ASTN2: variants seen among roughly 807,000 people sequenced by gnomAD.
The protein encoded by ASTN2 is astrotactin 2, also known as astrotactin-2.
In ASTN2, 54 loss-of-function variants were observed where a neutral mutation model predicts 139.8. The observed-to-expected ratio is 0.39, with a 90% CI of 0.31 to 0.48. The LOEUF is 0.48. ASTN2 is among the 20% of genes least tolerant of loss of function. ASTN2 has a pLI of 0.95. For missense variants in ASTN2, 1,565 were observed against 1,725.1 expected, an observed-to-expected ratio of 0.91 and a Z score of 1.64; for synonymous variants, 756 against 719.5, an observed-to-expected ratio of 1.05 and a Z score of -0.81.
intron 20 of ASTN2, among the ~76,000 whole-genome samples, chr9:116,454,668 A>T (rs905990507): frequency 6.6e-5 from 10 of 152,256 alleles, no homozygotes; most frequent in Non-Finnish European, 1.3e-4. Flanking sequence ...GACTGGATTA[A>T]GAAAATGTGG....
At chr9:117,187,913 C>T (rs1043706218) in intron 3 of ASTN2, among the ~76,000 whole-genome samples, 2 of 152,264 alleles carry the variant, frequency 1.3e-5, no homozygotes, top group African/African-American at 2.4e-5. Context: ...GTTTGTTCCT[C>T]CCACGTTCTT....
chr9:116,727,493 G>A (rs759818750), intron 15 of ASTN2, among the ~76,000 whole-genome samples: 11 of 151,624 alleles, frequency 7.3e-5, no homozygotes, highest in Non-Finnish European at 1.5e-4. Context: ...GAACATCATA[G>A]TCTTATTCAC....
intron 2 of ASTN2, among the ~76,000 whole-genome samples, chr9:117,234,042 C>T (rs1832973625): frequency 6.6e-6 from 1 of 152,166 alleles, no homozygotes; most frequent in Non-Finnish European, 1.5e-5. Context: ...TGTTGATGGA[C>T]TATGTCTCTC....
chr9:117,195,741 A>C (rs916733515), intron 3 of ASTN2, among the ~76,000 whole-genome samples: 1 of 152,156 alleles, frequency 6.6e-6, no homozygotes, highest in African/African-American at 2.4e-5. Flanking sequence ...CATGACATTC[A>C]CAGGGGGTGT....
chr9:117,352,087 T>C lies in ASTN2; in HGVS notation c.443-60574A>G, dbSNP rs1316433399. Among the ~76,000 whole-genome samples, 14 of 152,194 alleles carry C rather than the reference T, an allele frequency of 9.2e-5. No individual in the cohort carries two copies. The South Asian group carries it at 2.3e-3, about 25-fold the overall frequency. On this transcript the variant is annotated intron_variant, in intron 1 of 22. Transcript: ENST00000313400. ...GGAGGAAAACCTGGACTTCTCAATA[T>C]ACCTTTATCAGAGAGAAACAGTCCC...
chr9:117,005,043 ACTT>A (rs934660609), intron 7 of ASTN2, among the ~76,000 whole-genome samples: 12 of 143,644 alleles, frequency 8.4e-5, no homozygotes, highest in East Asian at 6.1e-4. Context: ...CCCAGCTAAG[ACTT>A]CTTCTTTGAA....
chr9:116,996,088 A>ACTCAAGTTCACTTGAT (rs774779557), intron 7 of ASTN2, among the ~76,000 whole-genome samples: 2 of 151,834 alleles, frequency 1.3e-5, no homozygotes, highest in Non-Finnish European at 2.9e-5. Flanking sequence ...CCCACCTTGA[A>ACTCAAGTTCACTTGAT]CTCAAGTTCA....
chr9:117,239,306 C>T (rs1833138808), intron 2 of ASTN2, among the ~76,000 whole-genome samples: 1 of 152,082 alleles, frequency 6.6e-6, no homozygotes, highest in South Asian at 2.1e-4. Flanking sequence ...AAGAAGTGGC[C>T]CCCTCCTCCC....
At position 116,703,995 on chromosome 9, in the gene ASTN2, C is replaced by T. The variant is rs144758653; in HGVS notation, c.2806+21776G>A. Among the ~76,000 whole-genome samples the T allele has an allele frequency of 2.9e-3, 444 of 152,304 alleles. 1 individual carries two copies. The highest frequency in any genetic ancestry group is 9.2e-3 in the African/African-American group (382 of 41,564). ...ACCTATGGCTTTATCTTGTCAATAT[C>T]ATTAATATTCACGGGACCCAAGCTA... On this transcript the variant is annotated intron_variant, in intron 16 of 22. Coordinates refer to ENST00000313400, the MANE Select transcript of ASTN2 (RefSeq NM_001365068.1).
At chr9:116,588,578 G>T (rs1854252247) in intron 19 of ASTN2, among the ~76,000 whole-genome samples, 1 of 152,154 alleles carries the variant, frequency 6.6e-6, no homozygotes, top group African/African-American at 2.4e-5. Flanking sequence ...TCTTGGATAT[G>T]TTACTTAATC....
intron 2 of ASTN2, among the ~76,000 whole-genome samples, chr9:117,245,602 A>G (rs1416247136): frequency 6.6e-6 from 1 of 152,198 alleles, no homozygotes; most frequent in African/African-American, 2.4e-5. Flanking sequence ...GCCAGGAGGC[A>G]GAAGGTCTCA....
chr9:116,930,726 C>G (rs1175124413), intron 10 of ASTN2, among the ~76,000 whole-genome samples: 2 of 152,134 alleles, frequency 1.3e-5, no homozygotes, highest in African/African-American at 4.8e-5. Flanking sequence ...TAAATATTTA[C>G]TGAGTACTTT....
chr9:117,280,040 C>G lies in ASTN2; in HGVS notation c.630+11286G>C, dbSNP rs116059911. 2.5e-3 allele frequency among the ~76,000 whole-genome samples: 386 copies of G among 152,262 alleles called. 2 individuals are homozygous for G. Among genetic ancestry groups the G allele is most frequent in the African/African-American group, 8.9e-3 (370 of 41,550 alleles). On this transcript the variant is annotated intron_variant, in intron 2 of 22. Coordinates refer to ENST00000313400, the MANE Select transcript of ASTN2 (RefSeq NM_001365068.1). The stretch of plus-strand genomic sequence containing the variant: ...TTTAGTTGTCATATCTCCCTAGTTT[C>G]CTCCAATTTGTGACAATTACTGTTT...
intron 10 of ASTN2, among the ~76,000 whole-genome samples, chr9:116,931,634 C>T (rs1223248397): frequency 6.6e-6 from 1 of 152,168 alleles, no homozygotes; most frequent in Non-Finnish European, 1.5e-5. Context: ...TGGACACTGT[C>T]TTAGGAGCTA....
At chr9:116,540,702 A>G (rs139429299) in intron 19 of ASTN2, 27 of 152,364 alleles carry the variant, frequency 1.8e-4, no homozygotes, top group African/African-American at 6.0e-4. Context: ...AAGGAGCACA[A>G]TAGAAGAGAA....
At chr9:116,494,645 TA>T (rs1443593703) in intron 19 of ASTN2, among the ~76,000 whole-genome samples, 1 of 152,232 alleles carries the variant, frequency 6.6e-6, no homozygotes, top group Non-Finnish European at 1.5e-5. Context: ...TTTTTACTTA[TA>T]TTGTCTTGGT....
intron 16 of ASTN2, among the ~76,000 whole-genome samples, chr9:116,696,980 T>G (rs906116212): frequency 6.6e-5 from 10 of 151,490 alleles, no homozygotes; most frequent in Non-Finnish European, 1.2e-4. Flanking sequence ...TCCACACTTT[T>G]GCTTACATGG....
intron 20 of ASTN2, among the ~76,000 whole-genome samples, chr9:116,469,715 A>C (rs1848754891): frequency 6.6e-6 from 1 of 152,216 alleles, no homozygotes; most frequent in African/African-American, 2.4e-5. Flanking sequence ...ATACATACTT[A>C]TTGAGTGTCT....
chr9:117,076,753 GC>G (rs2132718352), intron 5 of ASTN2, among the ~76,000 whole-genome samples: 1 of 152,200 alleles, frequency 6.6e-6, no homozygotes, highest in Admixed American at 6.5e-5. Flanking sequence ...CTACCTACCT[GC>G]CTCATGTGGT....
Sources: allele counts gnomAD v4.1 joint callset (sites outside exome capture counted in the v4.1 genomes callset), GRCh38; gene constraint gnomAD v4.1.1; transcripts MANE v1.5; gene names NCBI Gene and HGNC (gene_info 2026-07-23, HGNC 2026-07-21).